The following DRD2 variants were observed in gnomAD, a reference collection of about 807,000 sequenced individuals.
DRD2 encodes D(2) dopamine receptor.
A neutral mutation model predicts 38.0 loss-of-function variants in DRD2; 8 were observed. That is an observed-to-expected ratio of 0.21 (90% CI 0.12 to 0.38). The LOEUF (loss-of-function observed/expected upper bound fraction) is 0.38. Ranked by LOEUF, DRD2 falls within the 10% of genes least tolerant of loss-of-function variation. The pLI is 1.00. For synonymous variants in DRD2, 230 were observed against 238.6 expected, an observed-to-expected ratio of 0.96 and a Z score of 0.33; for missense variants, 403 against 607.7, an observed-to-expected ratio of 0.66 and a Z score of 3.54.
chr11:113,460,505 C>T (rs914344770), intron 1 of DRD2, among the ~76,000 whole-genome samples: 1 of 152,252 alleles, frequency 6.6e-6, no homozygotes, highest in African/African-American at 2.4e-5. Context: ...TAAGAGCTCC[C>T]TGGCTCCTTT....
intron 1 of DRD2, among the ~76,000 whole-genome samples, chr11:113,427,616 G>C (rs776862518): frequency 1.4e-4 from 21 of 152,122 alleles, no homozygotes; most frequent in Non-Finnish European, 2.8e-4. Context: ...TGAATCAAAG[G>C]CTCTGTTAGT....
intron 4 of DRD2, among the ~76,000 whole-genome samples, 164 bp from the exon 5 acceptor site, chr11:113,415,775 G>C (rs746728886): frequency 6.6e-6 from 1 of 151,968 alleles, no homozygotes; most frequent in East Asian, 1.9e-4. Flanking sequence ...ATACACAAAC[G>C]CACAGCAGAT....
chr11:113,437,220 T>C (rs1951047277), intron 1 of DRD2, among the ~76,000 whole-genome samples: 1 of 152,212 alleles, frequency 6.6e-6, no homozygotes, highest in African/African-American at 2.4e-5. Flanking sequence ...ATGATCCCCA[T>C]GCTACAGACA....
intron 1 of DRD2, among the ~76,000 whole-genome samples, chr11:113,452,461 T>TGC (rs1951220750): frequency 2.2e-5 from 2 of 89,578 alleles, no homozygotes; most frequent in African/African-American, 7.4e-5. Flanking sequence ...TGTGTGTGTG[T>TGC]GTGTGTGTGC....
chr11:113,416,990 A>T lies in DRD2; in HGVS notation c.405T>A (p.Ala135=), dbSNP rs1950834011. ...LCAISIDRYT[A]VAMPMLYNTR... is the part of the protein sequence containing the mutation. ...TATTGTACAGCATGGGCATGGCCACAGCTGTGTACCTGCAAGGGCGGGGGA... is the reference window on the plus strand; with the variant it reads ...TATTGTACAGCATGGGCATGGCCACTGCTGTGTACCTGCAAGGGCGGGGGA... The change falls in exon 4 of 8, where the codon GCT becomes GCA. Residue 135 remains alanine, a synonymous_variant. Coordinates refer to ENST00000362072, the MANE Select transcript of DRD2 (RefSeq NM_000795.4). 6.2e-7 allele frequency: 1 copy of T among 1,613,998 alleles called. No individual in the cohort carries two copies. Among genetic ancestry groups the T allele is most frequent in the South Asian group, 1.1e-5 (1 of 91,026 alleles).
In DRD2 at chr11:113,410,575, G is replaced by C. The variant is rs1950759129; in HGVS notation, c.*152C>G. ...CAGAGTGAGGGTGTGCGGGCAGTGAGGAGCATGGAGCCAAGCGAACACTGC... is the reference window on the plus strand; with the variant it reads ...CAGAGTGAGGGTGTGCGGGCAGTGACGAGCATGGAGCCAAGCGAACACTGC... On this transcript the variant is annotated 3_prime_UTR_variant, in exon 8 of 8. Transcript: ENST00000362072. 3 of 963,996 alleles carry C rather than the reference G, an allele frequency of 3.1e-6. No homozygotes were observed. The highest frequency in any genetic ancestry group is 3.2e-5 in the African/African-American group (2 of 62,774). 59.7% of individuals were successfully genotyped at this position (963,996 alleles called of 1,614,324 possible).
At chr11:113,428,460 T>C (rs1352501516) in intron 1 of DRD2, among the ~76,000 whole-genome samples, 1 of 152,166 alleles carries the variant, frequency 6.6e-6, no homozygotes, top group Non-Finnish European at 1.5e-5. Flanking sequence ...AAACTGTCAG[T>C]TGCCAACACT....
At chr11:113,441,298 A>C (rs1426231207) in intron 1 of DRD2, among the ~76,000 whole-genome samples, 1 of 152,158 alleles carries the variant, frequency 6.6e-6, no homozygotes, top group Non-Finnish European at 1.5e-5. Context: ...TTTCCTTTGC[A>C]AGGCTGCCTA....
At chr11:113,411,389 G>A (rs1219294458) in intron 7 of DRD2, among the ~76,000 whole-genome samples, 2 of 152,138 alleles carry the variant, frequency 1.3e-5, no homozygotes, top group African/African-American at 4.8e-5. Flanking sequence ...CTGAACTCCG[G>A]TCTATCCAGG....
chr11:113,449,678 G>C (rs1287467893), intron 1 of DRD2, among the ~76,000 whole-genome samples: 1 of 152,144 alleles, frequency 6.6e-6, no homozygotes, highest in Admixed American at 6.5e-5. Context: ...GCCATGGGAG[G>C]ACTGTTAGCC....
chr11:113,411,358 C>T (rs1950768014), intron 7 of DRD2, among the ~76,000 whole-genome samples: 2 of 152,164 alleles, frequency 1.3e-5, no homozygotes, highest in African/African-American at 2.4e-5. Flanking sequence ...GTCATTCACT[C>T]TTGAGCAGCG....
chr11:113,465,411 G>GTTGTTGT (rs1555168770), intron 1 of DRD2, among the ~76,000 whole-genome samples: 11 of 150,622 alleles, frequency 7.3e-5, no homozygotes, highest in South Asian at 2.1e-4. Flanking sequence ...TGTTGTTGTT[G>GTTGTTGT]TTGTTTGTTT....
chr11:113,474,075 G>A (rs1295734391), intron 1 of DRD2, among the ~76,000 whole-genome samples: 2 of 152,038 alleles, frequency 1.3e-5, no homozygotes, highest in East Asian at 3.9e-4. Context: ...AAGAGCCACC[G>A]AAAAAAAAGT....
chr11:113,432,574 A>AT (rs1473838361), intron 1 of DRD2, among the ~76,000 whole-genome samples: 2 of 152,174 alleles, frequency 1.3e-5, no homozygotes, highest in Non-Finnish European at 2.9e-5. Context: ...TAAACACATC[A>AT]TTTTTTCCTC....
chr11:113,424,652 C>T lies in DRD2; in HGVS notation c.-1G>A. On this transcript the variant is annotated 5_prime_UTR_variant, in exon 2 of 8. Coordinates refer to ENST00000362072, the MANE Select transcript of DRD2 (RefSeq NM_000795.4). ...ACCAGGACAGATTCAGTGGATCCAT[C>T]AGGGCGGTGGAGCCACTGGGTGGCC... 6.2e-7 allele frequency: 1 copy of T among 1,614,028 alleles called. No homozygotes were observed. Among genetic ancestry groups the T allele is most frequent in the Non-Finnish European group, 8.5e-7 (1 of 1,180,032 alleles).
intron 1 of DRD2, among the ~76,000 whole-genome samples, chr11:113,448,189 G>A (rs993972469): frequency 1.3e-5 from 2 of 152,174 alleles, no homozygotes; most frequent in African/African-American, 4.8e-5. Context: ...GGAAGATGCA[G>A]GAGTCTAATG....
chr11:113,416,838 T>C, intron 4 of DRD2, 25 bp downstream of exon 4: 1 of 1,611,842 alleles, frequency 6.2e-7, no homozygotes, highest in South Asian at 1.1e-5. Flanking sequence ...CAGCTGAGCC[T>C]CAGGCAAACA....
intron 1 of DRD2, among the ~76,000 whole-genome samples, chr11:113,426,197 G>A (rs144396841): frequency 2.0e-5 from 3 of 152,166 alleles, no homozygotes; most frequent in Non-Finnish European, 2.9e-5. Flanking sequence ...GCAAAAGTGG[G>A]TATGGGACAA....
chr11:113,411,172 T>G (rs1246539888), intron 7 of DRD2, among the ~76,000 whole-genome samples: 1 of 151,660 alleles, frequency 6.6e-6, no homozygotes, highest in Non-Finnish European at 1.5e-5. Flanking sequence ...GGTACATGGT[T>G]TAACAATAAA....
Sources: allele counts gnomAD v4.1 joint callset (sites outside exome capture counted in the v4.1 genomes callset), GRCh38; gene constraint gnomAD v4.1.1; transcripts MANE v1.5; gene names NCBI Gene and HGNC (gene_info 2026-07-23, HGNC 2026-07-21).